The following CHSY1 variants were observed in gnomAD, a reference collection of about 807,000 sequenced individuals.
CHSY1 encodes the protein chondroitin sulfate synthase 1, also known as N-acetylgalactosaminyl-proteoglycan 3-beta-glucuronosyltransferase 1.
A neutral mutation model predicts 59.8 loss-of-function variants in CHSY1; 13 were observed. That is an observed-to-expected ratio of 0.22 (90% CI 0.14 to 0.35). The LOEUF (loss-of-function observed/expected upper bound fraction) is 0.35, where lower values mean the gene tolerates loss of function less well. Ranked by LOEUF, CHSY1 falls within the 10% of genes least tolerant of loss-of-function variation. The probability of loss-of-function intolerance (pLI) is 1.00; values close to 1 mark genes in which losing one functional copy is unlikely to be tolerated. For missense variants in CHSY1, 947 were observed against 1,030.6 expected (o/e 0.92, Z 1.11); for synonymous variants, 459 against 401.2 (o/e 1.14, Z -1.72).
In CHSY1 at chr15:101,177,285, G is replaced by T; in HGVS notation, c.*103C>A. 1 of 1,138,360 alleles carries T rather than the reference G, an allele frequency of 8.8e-7. No individual in the cohort carries two copies. The highest frequency in any genetic ancestry group is 1.2e-6 in the Non-Finnish European group (1 of 810,334). The allele number at this position is 1,138,360 out of a possible 1,614,324, so 70.5% of individuals were successfully genotyped here. On this transcript the variant is annotated 3_prime_UTR_variant, in exon 3 of 3. Transcript: ENST00000254190. ...GGAGTCCTATGTAAGAAAACCACTT[G>T]TAAAATATATCCTTGTATACGGACT...
At chr15:101,189,500 A>G (rs2038416289) in intron 2 of CHSY1, 3 of 985,304 alleles carry the variant, frequency 3.0e-6, no homozygotes, top group Non-Finnish European at 3.6e-6. Flanking sequence ...GGCCCAGTGC[A>G]GCCGGGTTTA....
In CHSY1 at chr15:101,235,090, A is replaced by G; in HGVS notation, c.808T>C (p.Ser270Pro). The change falls in exon 2 of 3, where the codon TCT becomes CCT. Residue 270 changes from serine to proline, a missense_variant. By Grantham distance (74) the Ser-to-Pro change is moderately conservative. Around this residue, in one of 4 missense-constraint regions of CHSY1, gnomAD observed 602 missense variants for 676.9 expected, o/e 0.89. Transcript: ENST00000254190. Reference sequence around the variant, plus strand: ...AAGAATTCTGTTCTTACCTCATAAGACCAGACACACTGCACCCCTGCAAAC... The same window carrying G: ...AAGAATTCTGTTCTTACCTCATAAGGCCAGACACACTGCACCCCTGCAAAC... ...RRFAGVQCVW[S>P]YEMQQLFYEN... 1 of 1,613,834 alleles carries G rather than the reference A, an allele frequency of 6.2e-7. No individual in the cohort carries two copies. Among genetic ancestry groups the G allele is most frequent in the Non-Finnish European group, 8.5e-7 (1 of 1,180,016 alleles).
intron 2 of CHSY1, among the ~76,000 whole-genome samples, chr15:101,182,574 G>A (rs911546560): frequency 2.0e-5 from 3 of 152,234 alleles, no homozygotes; most frequent in South Asian, 2.1e-4. Context: ...GTGGTGAGGT[G>A]CAAGTCTGAT....
chr15:101,193,530 G>A (rs529638883), intron 2 of CHSY1, among the ~76,000 whole-genome samples: 4 of 152,360 alleles, frequency 2.6e-5, no homozygotes, highest in Admixed American at 6.5e-5. Flanking sequence ...CCAGCTGCCC[G>A]GGAGCAGGCG....
chr15:101,245,011 C>G (rs866813357), intron 1 of CHSY1, among the ~76,000 whole-genome samples: 52 of 152,330 alleles, frequency 3.4e-4, no homozygotes, highest in Middle Eastern at 3.4e-3. Context: ...CCAAGCGTCC[C>G]TCAACAGGTA....
Position 101,251,436 on chromosome 15 carries a change from G to A in CHSY1, c.21C>T (p.Arg7=), listed in dbSNP as rs751409111. MAARGR[R]AWLSVLLGLV... ...GCCCGAGCAGCACGCTGAGCCAGGC[G>A]CGCCGGCCGCGCGCGGCCATGCCCG... Residue 7 remains arginine (R), a synonymous_variant, in exon 1 of 3, where the codon CGC becomes CGT. Coordinates refer to ENST00000254190, the MANE Select transcript of CHSY1 (RefSeq NM_014918.5). The A allele has an allele frequency of 1.4e-3, 1,513 of 1,072,642 alleles. 4 individuals are homozygous for A. Among genetic ancestry groups the A allele is most frequent in the Non-Finnish European group, 1.6e-3 (1,367 of 877,428 alleles). 66.4% of individuals were successfully genotyped at this position (1,072,642 alleles called of 1,614,324 possible).
Position 101,177,651 on chromosome 15 carries a change from A to G in CHSY1, c.2146T>C (p.Trp716Arg). The G allele has an allele frequency of 6.2e-7, 1 of 1,614,182 alleles. No individual in the cohort carries two copies. The highest frequency in any genetic ancestry group is 8.5e-7 in the Non-Finnish European group (1 of 1,180,026). ...VGGFDVSIQG[W>R]GLEDVDLFNK... The stretch of plus-strand genomic sequence containing the variant: ...AAAAGGTCCACATCCTCCAGCCCCC[A>G]GCCTTGGATGGAAACATCAAAGCCA... Residue 716 changes from tryptophan (W) to arginine (R), a missense_variant, in exon 3 of 3, where the codon TGG becomes CGG. Physicochemically the swap from Trp to Arg is moderately radical, Grantham distance 101. This residue lies in a region of CHSY1 where 602 missense variants were observed against 676.9 expected (regional missense o/e 0.89). Transcript: ENST00000254190.
At chr15:101,230,824 A>C (rs1158654095) in intron 2 of CHSY1, among the ~76,000 whole-genome samples, 1 of 152,216 alleles carries the variant, frequency 6.6e-6, no homozygotes, top group East Asian at 1.9e-4. Flanking sequence ...TGGTTCATGA[A>C]CATATGGTCT....
At chr15:101,220,832 C>T (rs2141266393) in intron 2 of CHSY1, among the ~76,000 whole-genome samples, 1 of 152,362 alleles carries the variant, frequency 6.6e-6, no homozygotes, top group East Asian at 1.9e-4. Context: ...CATGCCCATT[C>T]CCTCTGTTTG....
At chr15:101,196,240 A>AC (rs903885978) in intron 2 of CHSY1, among the ~76,000 whole-genome samples, 2 of 152,046 alleles carry the variant, frequency 1.3e-5, no homozygotes, top group African/African-American at 4.8e-5. Context: ...AAAAAAAAAA[A>AC]AAAAAACATA....
chr15:101,200,266 C>T (rs957272275), intron 2 of CHSY1, among the ~76,000 whole-genome samples: 19 of 152,154 alleles, frequency 1.2e-4, no homozygotes, highest in Admixed American at 1.1e-3. Flanking sequence ...AAATAAGAGA[C>T]GCCTTTACGC....
At chr15:101,216,396 T>C (rs915933706) in intron 2 of CHSY1, among the ~76,000 whole-genome samples, 1 of 152,218 alleles carries the variant, frequency 6.6e-6, no homozygotes, top group Non-Finnish European at 1.5e-5. Flanking sequence ...TCCTAGATAT[T>C]TACCCAACTG....
At chr15:101,219,835 T>C (rs1166122598) in intron 2 of CHSY1, among the ~76,000 whole-genome samples, 1 of 152,200 alleles carries the variant, frequency 6.6e-6, no homozygotes, top group Non-Finnish European at 1.5e-5. Context: ...GGCGTGATCT[T>C]GGCTCACAGC....
Position 101,177,181 on chromosome 15 carries a change from T to C in CHSY1, c.*207A>G, listed in dbSNP as rs1325320477. 2.0e-6 allele frequency: 1 copy of C among 509,784 alleles called. No homozygotes were observed. The highest frequency in any genetic ancestry group is 3.4e-6 in the Non-Finnish European group (1 of 292,082). The allele number at this position is 509,784 out of a possible 1,614,324, so 31.6% of individuals were successfully genotyped here. On this transcript the variant is annotated 3_prime_UTR_variant, in exon 3 of 3. Transcript: ENST00000254190. ...ATTTCAAGTCAAAGTTAAGCAGGTCTGCTACATAATGTTCAGCAAGAAGAT... is the reference window on the plus strand; with the variant it reads ...ATTTCAAGTCAAAGTTAAGCAGGTCCGCTACATAATGTTCAGCAAGAAGAT...
chr15:101,234,150 C>T (rs1021655551), intron 2 of CHSY1, among the ~76,000 whole-genome samples: 1 of 152,174 alleles, frequency 6.6e-6, no homozygotes. Flanking sequence ...CATCTACAAG[C>T]GGACTTCCTT....
At chr15:101,225,954 C>G (rs1408317156) in intron 2 of CHSY1, among the ~76,000 whole-genome samples, 1 of 152,146 alleles carries the variant, frequency 6.6e-6, no homozygotes, top group African/African-American at 2.4e-5. Flanking sequence ...CAGGCTCTCA[C>G]AATCACAGGA....
At chr15:101,189,796 A>G (rs2038421449) in intron 2 of CHSY1, among the ~76,000 whole-genome samples, 1 of 152,232 alleles carries the variant, frequency 6.6e-6, no homozygotes, top group African/African-American at 2.4e-5. Flanking sequence ...AAAAAACCCA[A>G]CCACCCCCAC....
At chr15:101,221,610 T>C (rs920499165) in intron 2 of CHSY1, among the ~76,000 whole-genome samples, 2 of 152,188 alleles carry the variant, frequency 1.3e-5, no homozygotes, top group Non-Finnish European at 2.9e-5. Flanking sequence ...AATCAATATA[T>C]AAGCACCTAA....
intron 1 of CHSY1, among the ~76,000 whole-genome samples, chr15:101,247,070 A>G (rs1466542490): frequency 3.3e-5 from 5 of 152,246 alleles, no homozygotes; most frequent in Non-Finnish European, 7.3e-5. Context: ...GTTAACTTAC[A>G]GAACCCCAGC....
Sources: allele counts gnomAD v4.1 joint callset (sites outside exome capture counted in the v4.1 genomes callset), GRCh38; gene constraint gnomAD v4.1.1; regional missense constraint gnomAD v4.1.1; transcripts MANE v1.5; gene names NCBI Gene and HGNC (gene_info 2026-07-23, HGNC 2026-07-21).